The following LAMB4 variants were observed in gnomAD, a reference collection of about 807,000 sequenced individuals.
LAMB4 encodes the protein laminin subunit beta 4.
A neutral mutation model predicts 199.2 loss-of-function variants in LAMB4; 196 were observed. That is an observed-to-expected ratio of 0.98 (90% confidence interval 0.88 to 1.11). The LOEUF is 1.11. LAMB4 is among the 50% of genes least tolerant of loss of function. The probability of loss-of-function intolerance (pLI) is 0.00; values close to 1 mark genes in which losing one functional copy is unlikely to be tolerated. For synonymous variants in LAMB4, 744 were observed against 770.6 expected, an observed-to-expected ratio of 0.97 and a Z score of 0.57; for missense variants, 2,080 against 2,171.2, an observed-to-expected ratio of 0.96 and a Z score of 0.83.
At chr7:108,031,955 TTGGTCA>T (rs898839085) in intron 31 of LAMB4, among the ~76,000 whole-genome samples, 39 of 152,350 alleles carry the variant, frequency 2.6e-4, no homozygotes, top group African/African-American at 9.4e-4. Flanking sequence ...CTCTTGTTTG[TTGGTCA>T]TACTTTCATA....
intron 12 of LAMB4, among the ~76,000 whole-genome samples, chr7:108,095,010 G>T (rs1328116203): frequency 6.6e-6 from 1 of 152,108 alleles, no homozygotes; most frequent in Non-Finnish European, 1.5e-5. Flanking sequence ...GTCCAGTCCA[G>T]TGGTGAGCTG....
intron 26 of LAMB4, among the ~76,000 whole-genome samples, chr7:108,051,877 C>T (rs2035837934): frequency 6.6e-6 from 1 of 152,132 alleles, no homozygotes; most frequent in Non-Finnish European, 1.5e-5. Flanking sequence ...TAATATCAGA[C>T]ATTGTTTACT....
In LAMB4 at chr7:108,029,085, T is replaced by A; in HGVS notation, c.5104A>T (p.Lys1702Ter). Residue 1702 changes from lysine to a stop codon, truncating the protein, a stop_gained, in exon 33 of 34, where the codon AAA (lysine) becomes TAA (stop). Transcript: ENST00000388781. LOFTEE classifies it high-confidence loss of function. The stretch of plus-strand genomic sequence containing the variant: ...TTGGCCTCTGTATCTCCAGCCAATT[T>A]TTCTGCCGCATCTTTTAGCTGTTTA... ...KVKQLKDAAE[K>*]LAGDTEAKIR... The A allele has an allele frequency of 6.2e-7, 1 of 1,614,134 alleles. No homozygotes were observed. The highest frequency in any genetic ancestry group is 8.5e-7 in the Non-Finnish European group (1 of 1,180,006).
intron 29 of LAMB4, among the ~76,000 whole-genome samples, chr7:108,042,633 T>C (rs1263582082): frequency 6.6e-6 from 1 of 152,280 alleles, no homozygotes; most frequent in African/African-American, 2.4e-5. Context: ...TTACTGACTA[T>C]TTTTGTCAAA....
At chr7:108,090,928 C>T (rs1269151153) in intron 14 of LAMB4, among the ~76,000 whole-genome samples, 3 of 152,194 alleles carry the variant, frequency 2.0e-5, no homozygotes, top group East Asian at 1.9e-4. Context: ...TCCTAAGGGG[C>T]ATTTTCATCC....
intron 14 of LAMB4, among the ~76,000 whole-genome samples, chr7:108,091,107 T>TC (rs2037383936): frequency 6.6e-6 from 1 of 151,960 alleles, no homozygotes. Flanking sequence ...CCTTTTTTTT[T>TC]TGTCATATTC....
chr7:108,119,833 G>A (rs73725351), intron 2 of LAMB4, among the ~76,000 whole-genome samples: 13,725 of 152,144 alleles, frequency 0.09, 1,834 homozygotes, highest in African/African-American at 0.29. Flanking sequence ...TTGTGATATC[G>A]TGCTATAATT....
intron 8 of LAMB4, 35 bp from the exon 9 acceptor site, chr7:108,104,654 G>A (rs1446797172): frequency 1.2e-6 from 2 of 1,601,958 alleles, no homozygotes; most frequent in Admixed American, 1.7e-5. Context: ...TTGAAAGAGG[G>A]CTTGTCCTTG....
intron 1 of LAMB4, among the ~76,000 whole-genome samples, chr7:108,126,800 C>T (rs1350993046): frequency 1.3e-5 from 2 of 151,034 alleles, no homozygotes; most frequent in Admixed American, 6.6e-5. Flanking sequence ...GATCTCCTGA[C>T]CTCATGATCC....
chr7:108,085,145 C>T (rs116985653), intron 14 of LAMB4, among the ~76,000 whole-genome samples: 3,083 of 152,296 alleles, frequency 0.02, 61 homozygotes, highest in Non-Finnish European at 0.029. Context: ...AGTTTCATTT[C>T]CTTTCAGTCC....
At chr7:108,079,903 A>T in intron 14 of LAMB4, 117 bp from the exon 15 acceptor site, 1 of 669,174 alleles carries the variant, frequency 1.5e-6, no homozygotes, top group Non-Finnish European at 2.4e-6. Flanking sequence ...TATGATTCAT[A>T]TGAGTCACAG....
intron 1 of LAMB4, among the ~76,000 whole-genome samples, chr7:108,130,089 G>A (rs1014478515): frequency 2.6e-5 from 4 of 152,114 alleles, no homozygotes; most frequent in African/African-American, 9.7e-5. Flanking sequence ...ATATCACAAT[G>A]CACTAACATC....
At chr7:108,096,374 T>C (rs970726669) in intron 11 of LAMB4, among the ~76,000 whole-genome samples, 22 of 152,264 alleles carry the variant, frequency 1.4e-4, no homozygotes, top group African/African-American at 5.3e-4. Context: ...CCATTGTATG[T>C]AAATACCACA....
At chr7:108,077,757 CA>C (rs1434702997) in intron 16 of LAMB4, among the ~76,000 whole-genome samples, 1 of 152,140 alleles carries the variant, frequency 6.6e-6, no homozygotes. Flanking sequence ...TCAAAATTAG[CA>C]GTCTTTTACT....
chr7:108,041,764 A>G (rs113633223), intron 29 of LAMB4, among the ~76,000 whole-genome samples: 8 of 152,260 alleles, frequency 5.3e-5, no homozygotes, highest in African/African-American at 1.7e-4. Context: ...GGTGGGAGGA[A>G]GGAGAAGATC....
chr7:108,121,642 C>T (rs532539020), intron 2 of LAMB4, among the ~76,000 whole-genome samples: 4 of 151,668 alleles, frequency 2.6e-5, no homozygotes, highest in South Asian at 2.1e-4. Context: ...CCCAGCTACT[C>T]GGGAGGCTGA....
At chr7:108,025,919 C>T (rs2034821722) in intron 33 of LAMB4, among the ~76,000 whole-genome samples, 1 of 152,226 alleles carries the variant, frequency 6.6e-6, no homozygotes, top group Admixed American at 6.5e-5. Context: ...CAGCACTTGG[C>T]TCCCTTGACC....
intron 33 of LAMB4, among the ~76,000 whole-genome samples, chr7:108,026,356 C>T (rs547263435): frequency 3.0e-4 from 46 of 152,316 alleles, no homozygotes; most frequent in African/African-American, 1.1e-3. Flanking sequence ...AAGAACCTTT[C>T]ATCCTCTCTT....
At chr7:108,086,688 C>T (rs900964604) in intron 14 of LAMB4, among the ~76,000 whole-genome samples, 5 of 152,086 alleles carry the variant, frequency 3.3e-5, no homozygotes, top group Non-Finnish European at 5.9e-5. Flanking sequence ...AAGAAGTTTT[C>T]CCAATGAATA....
Sources: gnomAD v4.1 joint callset for allele counts (sites outside exome capture counted in the v4.1 genomes callset) on GRCh38, gnomAD v4.1.1 for gene constraint, MANE v1.5 for transcripts, NCBI Gene and HGNC (gene_info 2026-07-23, HGNC 2026-07-21) for gene names.